Variants in BRSK2 observed in about 807,000 individuals in gnomAD.
The protein encoded by BRSK2 is serine/threonine-protein kinase BRSK2.
Under a neutral mutation model 83.3 loss-of-function variants are expected in BRSK2, and 19 were observed. That is an observed-to-expected ratio of 0.23 (90% CI 0.16 to 0.33). BRSK2 has a LOEUF of 0.33. Among genes scored for constraint, BRSK2 ranks in the 10% least tolerant of loss-of-function variants. BRSK2 has a pLI of 1.00. For synonymous variants in BRSK2, 519 were observed against 435.4 expected, an observed-to-expected ratio of 1.19 and a Z score of -2.39; for missense variants, 798 against 1,042.3, an observed-to-expected ratio of 0.77 and a Z score of 3.23.
Position 1,450,571 on chromosome 11 carries a change from T to C in BRSK2, c.1288-16T>C. The C allele has an allele frequency of 6.8e-7, 1 of 1,474,890 alleles. No individual in the cohort carries two copies. 91.4% of individuals were successfully genotyped at this position (1,474,890 alleles called of 1,614,324 possible). The stretch of plus-strand genomic sequence containing the variant: ...CCGGGATTGAACCAAACACCAAATC[T>C]GTCCCCACCATACAGGTGACCCCTC... On this transcript the variant is annotated splice_polypyrimidine_tract_variant and intron_variant, in intron 13 of 19. Coordinates refer to ENST00000528841, the MANE Select transcript of BRSK2 (RefSeq NM_001256627.2).
intron 19 of BRSK2, 39 bp from the exon 20 acceptor site, chr11:1,460,461 C>CTTTTTTTTTTTTTTTTTTTTTTCTT (rs398015179): frequency 2.0e-6 from 1 of 499,632 alleles, no homozygotes; most frequent in African/African-American, 4.2e-5. Flanking sequence ...TTCTTTTTTC[C>CTTTTTTTTTTTTTTTTTTTTTTCTT]TTTTTTTTTT....
rs1031441619 is a variant in BRSK2, at chr11:1,461,200, G to T, written c.*477G>T. The T allele has an allele frequency of 1.4e-5, 10 of 706,402 alleles. No homozygotes were observed. Among genetic ancestry groups the T allele is most frequent in the Non-Finnish European group, 2.2e-5 (10 of 445,194 alleles). The allele number at this position is 706,402 out of a possible 1,614,324, so 43.8% of individuals were successfully genotyped here. A position where few individuals can be genotyped will look rare whatever the true frequency, so the allele number is the denominator to read the frequency against. ...CCAGCCCGGCCGACCCGGACTCCCG[G>T]TCACCTGACCCCTCAGCAAGAACAG... On this transcript the variant is annotated 3_prime_UTR_variant, in exon 20 of 20. Transcript: ENST00000528841.
chr11:1,453,267 C>T (rs993036560), intron 15 of BRSK2, among the ~76,000 whole-genome samples: 18 of 152,276 alleles, frequency 1.2e-4, no homozygotes, highest in Admixed American at 7.8e-4. Context: ...CACCCCTCGT[C>T]GGCCTGGCCT....
At chr11:1,437,421 T>G (rs1456585888) in intron 2 of BRSK2, among the ~76,000 whole-genome samples, 2 of 152,184 alleles carry the variant, frequency 1.3e-5, no homozygotes, top group Non-Finnish European at 2.9e-5. Context: ...GCCACTTCTT[T>G]GTGCTGGGCG....
rs1307178177 is a variant in BRSK2 at position 1,462,050 on chromosome 11, C to T, written c.*1327C>T. 1.3e-5 allele frequency: 2 copies of T among 152,118 alleles called. No homozygotes were observed. Among genetic ancestry groups the T allele is most frequent in the African/African-American group, 4.8e-5 (2 of 41,410 alleles). 9.4% of individuals were successfully genotyped at this position (152,118 alleles called of 1,614,324 possible). ...AGGAGGGCCCTCAGCTGGCCCTCCC[C>T]ACACACAGGACGGCAGGGGCACTGT... On this transcript the variant is annotated 3_prime_UTR_variant, in exon 20 of 20. Transcript: ENST00000528841.
chr11:1,460,470 TTTTTTTTTG>T, intron 19 of BRSK2, 21 bp from the exon 20 acceptor site: 4 of 1,265,390 alleles, frequency 3.2e-6, no homozygotes, highest in Non-Finnish European at 2.0e-6. Context: ...CCTTTTTTTT[TTTTTTTTTG>T]TCTCTGTTCT....
At chr11:1,459,055 A>T in intron 18 of BRSK2, 137 bp from the exon 19 acceptor site, 3 of 612,204 alleles carry the variant, frequency 4.9e-6, no homozygotes, top group South Asian at 2.2e-5. Context: ...CCCCCCCAGT[A>T]TTCCCCACCC....
At chr11:1,401,276 T>A (rs1042304183) in intron 1 of BRSK2, among the ~76,000 whole-genome samples, 4 of 152,266 alleles carry the variant, frequency 2.6e-5, no homozygotes, top group African/African-American at 9.6e-5. Flanking sequence ...GATGCACGGC[T>A]ACCCTCGCGG....
intron 12 of BRSK2, 44 bp downstream of exon 12, chr11:1,445,951 G>T (rs375679585): frequency 6.4e-7 from 1 of 1,560,678 alleles, no homozygotes; most frequent in South Asian, 1.2e-5. Flanking sequence ...CCTGGGCCCT[G>T]GCTGCGCGGC....
Position 1,446,069 on chromosome 11 carries a change from T to TGGGC in BRSK2, c.1226+162_1226+163insGGGC, listed in dbSNP as rs1564858939. ...TTAGCTGGGCTGGGCTGGGCTGGGC[T>TGGGC]TGGCTGGGCTGGGCTGGGCTTAGCT... On this transcript the variant is annotated intron_variant, in intron 12 of 19. Coordinates refer to ENST00000528841, the MANE Select transcript of BRSK2 (RefSeq NM_001256627.2). Among the ~76,000 whole-genome samples, 720 of 141,392 alleles carry TGGGC rather than the reference T, an allele frequency of 5.1e-3. 10 individuals are homozygous for TGGGC. The highest frequency in any genetic ancestry group is 0.019 in the African/African-American group (682 of 36,428). The allele number at this position is 141,392 out of a possible 152,430, so 92.8% of individuals were successfully genotyped here. A position where few individuals can be genotyped will look rare whatever the true frequency, so the allele number is the denominator to read the frequency against.
chr11:1,437,636 G>A lies in BRSK2; in HGVS notation c.187-670G>A, dbSNP rs576539732. Among the ~76,000 whole-genome samples the A allele has an allele frequency of 5.3e-5, 8 of 152,320 alleles. No homozygotes were observed. In the East Asian group the frequency reaches 1.4e-3, roughly 26 times the overall value. On this transcript the variant is annotated intron_variant, in intron 2 of 19. Transcript: ENST00000528841. ...CCTGCCCACGGCCTGCACACCTACT[G>A]TATGTCCCACACACAACAGGATGCC...
chr11:1,391,135 C>G (rs556362501), intron 1 of BRSK2, among the ~76,000 whole-genome samples: 1 of 152,232 alleles, frequency 6.6e-6, no homozygotes, highest in Non-Finnish European at 1.5e-5. Context: ...CCAGAGGCAA[C>G]CCAGCTACCC....
Position 1,445,747 on chromosome 11 carries a change from C to T in BRSK2, c.1076-10C>T, listed in dbSNP as rs376177479. On this transcript the variant is annotated splice_polypyrimidine_tract_variant and intron_variant, in intron 11 of 19. Transcript: ENST00000528841. ...GGGGGCTGTCTGGCCTGACCTTCGT[C>T]TGTACTCAGACCCTCCCCGGAAGCG... 3.5e-4 allele frequency: 559 copies of T among 1,611,258 alleles called. 1 individual carries two copies. The highest frequency in any genetic ancestry group is 4.3e-4 in the Non-Finnish European group (503 of 1,178,910).
intron 1 of BRSK2, among the ~76,000 whole-genome samples, chr11:1,433,442 G>C (rs549367499): frequency 6.6e-6 from 1 of 152,372 alleles, no homozygotes; most frequent in Non-Finnish European, 1.5e-5. Context: ...GAGAGCCTCT[G>C]TCTTGGCCTC....
In BRSK2 at chr11:1,461,933, GA is replaced by G. The variant is rs1467937941; in HGVS notation, c.*1211del. On this transcript the variant is annotated 3_prime_UTR_variant, in exon 20 of 20. Transcript: ENST00000528841. ...TCCACCTCTGGGGGGGCTCGGGGCAGAGGGGCGGTGTCTTGTAGCGGGCGGC... is the reference window on the plus strand; with the variant it reads ...TCCACCTCTGGGGGGGCTCGGGGCAGGGGGCGGTGTCTTGTAGCGGGCGGC... 6.6e-6 allele frequency: 1 copy of G among 152,076 alleles called. No homozygotes were observed. Among genetic ancestry groups the G allele is most frequent in the Non-Finnish European group, 1.5e-5 (1 of 68,010 alleles). The allele number at this position is 152,076 out of a possible 1,614,324, so 9.4% of individuals were successfully genotyped here.
chr11:1,457,327 G>A (rs1353383843), intron 18 of BRSK2, among the ~76,000 whole-genome samples: 3 of 152,208 alleles, frequency 2.0e-5, no homozygotes, highest in Non-Finnish European at 4.4e-5. Context: ...CTTCCTGACA[G>A]CCCAGGGTCA....
chr11:1,406,288 C>T (rs968913638), intron 1 of BRSK2, among the ~76,000 whole-genome samples: 1 of 152,180 alleles, frequency 6.6e-6, no homozygotes, highest in African/African-American at 2.4e-5. Context: ...ACGGTGAAAC[C>T]CCATCTCTAC....
chr11:1,447,957 G>A, intron 12 of BRSK2: 1 of 1,270,496 alleles, frequency 7.9e-7, no homozygotes, highest in Non-Finnish European at 1.1e-6. Flanking sequence ...TCTGGTGGCG[G>A]GCTGGGCTGC....
In BRSK2 at chr11:1,454,627, G is replaced by C; in HGVS notation, c.1668+19G>C. ...CCTGTCGGTGAGGCCACAGGGCGCT[G>C]GGGGAGGCGGGCAGCCCTCCCAACC... On this transcript the variant is annotated intron_variant, in intron 16 of 19. Coordinates refer to ENST00000528841, the MANE Select transcript of BRSK2 (RefSeq NM_001256627.2). The surrounding 1 kb of genome is among the most constrained non-coding windows in gnomAD (Gnocchi z 5.2). The C allele has an allele frequency of 1.2e-6, 2 of 1,611,424 alleles. No homozygotes were observed. Among genetic ancestry groups the C allele is most frequent in the South Asian group, 1.1e-5 (1 of 91,010 alleles).
Sources: allele counts gnomAD v4.1 joint callset (sites outside exome capture counted in the v4.1 genomes callset), GRCh38; gene constraint gnomAD v4.1.1; non-coding constraint Gnocchi (gnomAD v3.1); transcripts MANE v1.5; gene names NCBI Gene and HGNC (gene_info 2026-07-23, HGNC 2026-07-21).